Variants in RCAN1 observed in about 807,000 individuals in gnomAD.
RCAN1 encodes regulator of calcineurin 1.
Under a neutral mutation model 22.9 loss-of-function variants are expected in RCAN1, and 11 were observed. That is an observed-to-expected ratio of 0.48 (90% CI 0.30 to 0.79). The LOEUF (loss-of-function observed/expected upper bound fraction) is 0.79. Ranked by LOEUF, RCAN1 falls within the 30% of genes least tolerant of loss-of-function variation. The pLI is 0.06. For synonymous variants in RCAN1, 136 were observed against 142.3 expected, an observed-to-expected ratio of 0.96 and a Z score of 0.32; for missense variants, 291 against 337.8, an observed-to-expected ratio of 0.86 and a Z score of 1.09.
chr21:34,587,216 C>T (rs1188658351), intron 1 of RCAN1, among the ~76,000 whole-genome samples: 1 of 151,996 alleles, frequency 6.6e-6, no homozygotes, highest in African/African-American at 2.4e-5. Flanking sequence ...GGACTACTTC[C>T]TAGAAAAATA....
intron 1 of RCAN1, among the ~76,000 whole-genome samples, chr21:34,527,824 G>A (rs528432534): frequency 6.7e-6 from 1 of 148,718 alleles, no homozygotes; most frequent in East Asian, 2.0e-4. Context: ...TGGGTTAAGA[G>A]GTCCTGCTTA....
chr21:34,613,002 A>G (rs1320000165), intron 1 of RCAN1, among the ~76,000 whole-genome samples: 4 of 151,988 alleles, frequency 2.6e-5, no homozygotes, highest in Non-Finnish European at 1.5e-5. Flanking sequence ...CCTATTGTCT[A>G]TCTCCCCCTC....
chr21:34,599,059 T>G (rs541959898), intron 1 of RCAN1, among the ~76,000 whole-genome samples: 1 of 152,216 alleles, frequency 6.6e-6, no homozygotes, highest in South Asian at 2.1e-4. Flanking sequence ...GGGTAATACA[T>G]CAGTATAAAC....
chr21:34,523,918 G>T, intron 1 of RCAN1: 1 of 390,604 alleles, frequency 2.6e-6, no homozygotes, highest in East Asian at 5.6e-5. Context: ...GAGTAGCTGG[G>T]GTTACAGGTG....
At chr21:34,521,217 T>C in intron 3 of RCAN1, 2 of 1,416,602 alleles carry the variant, frequency 1.4e-6, no homozygotes, top group Non-Finnish European at 1.8e-6. Context: ...CAGGCTGTGC[T>C]CAGTGGACAC....
rs561626815 is a variant in RCAN1, at chr21:34,602,967, C to T, written c.252+11793G>A. 5.5e-4 allele frequency among the ~76,000 whole-genome samples: 83 copies of T among 152,246 alleles called. No homozygotes were observed. The Middle Eastern group carries it at 0.017, about 31-fold the overall frequency. ...TCCCCTATTTGTATTCTAAACAAAGCGGGCAGCATCTCCCAGCAGCAGGGA... is the reference window on the plus strand; with the variant it reads ...TCCCCTATTTGTATTCTAAACAAAGTGGGCAGCATCTCCCAGCAGCAGGGA... On this transcript the variant is annotated intron_variant, in intron 1 of 3. Transcript: ENST00000313806.
At chr21:34,574,029 A>G (rs1418347305) in intron 1 of RCAN1, among the ~76,000 whole-genome samples, 1 of 152,202 alleles carries the variant, frequency 6.6e-6, no homozygotes, top group Non-Finnish European at 1.5e-5. Flanking sequence ...GAACGCTACA[A>G]AAATCCTCAG....
intron 1 of RCAN1, among the ~76,000 whole-genome samples, chr21:34,556,052 G>C (rs1426373277): frequency 1.3e-5 from 1 of 78,444 alleles, no homozygotes; most frequent in Non-Finnish European, 2.9e-5. Context: ...AACAGAGCGA[G>C]ACTCCATTTC....
intron 1 of RCAN1, among the ~76,000 whole-genome samples, chr21:34,602,122 C>A (rs1346948196): frequency 6.6e-6 from 1 of 152,148 alleles, no homozygotes; most frequent in Admixed American, 6.5e-5. Flanking sequence ...GTCCTTGATA[C>A]GATCACAAAC....
chr21:34,572,222 C>T (rs1987258698), intron 1 of RCAN1, among the ~76,000 whole-genome samples: 1 of 152,162 alleles, frequency 6.6e-6, no homozygotes, highest in African/African-American at 2.4e-5. Flanking sequence ...GAGATGGCTC[C>T]CTCTGCCCAA....
At chr21:34,556,152 G>A (rs1986564365) in intron 1 of RCAN1, among the ~76,000 whole-genome samples, 1 of 150,044 alleles carries the variant, frequency 6.7e-6, no homozygotes, top group African/African-American at 2.4e-5. Flanking sequence ...GGCTAGGTGA[G>A]GTGGTACATG....
At chr21:34,545,133 A>G (rs1986083724) in intron 1 of RCAN1, among the ~76,000 whole-genome samples, 1 of 152,224 alleles carries the variant, frequency 6.6e-6, no homozygotes, top group South Asian at 2.1e-4. Flanking sequence ...CATAGAAAGT[A>G]AACCAAGAGG....
At chr21:34,586,702 C>T (rs1987810317) in intron 1 of RCAN1, among the ~76,000 whole-genome samples, 1 of 152,178 alleles carries the variant, frequency 6.6e-6, no homozygotes, top group African/African-American at 2.4e-5. Context: ...CCTGTAACCC[C>T]AGCACTTTGG....
intron 1 of RCAN1, among the ~76,000 whole-genome samples, chr21:34,555,764 T>TA (rs1231860875): frequency 6.6e-6 from 1 of 151,476 alleles, no homozygotes; most frequent in African/African-American, 2.4e-5. Flanking sequence ...AAGGTATTTT[T>TA]AAAAAAATAA....
chr21:34,551,347 A>C (rs574102854), intron 1 of RCAN1, among the ~76,000 whole-genome samples: 1 of 152,338 alleles, frequency 6.6e-6, no homozygotes, highest in East Asian at 1.9e-4. Context: ...CCTTGGAAAA[A>C]ATAATGACAA....
chr21:34,571,425 C>T (rs1371010693), intron 1 of RCAN1, among the ~76,000 whole-genome samples: 1 of 152,176 alleles, frequency 6.6e-6, no homozygotes, highest in African/African-American at 2.4e-5. Context: ...ATACATTTTA[C>T]AAAATTTAAA....
At chr21:34,525,272 A>T in intron 1 of RCAN1, 2 of 1,550,558 alleles carry the variant, frequency 1.3e-6, no homozygotes, top group African/African-American at 2.7e-5. Flanking sequence ...GTCGTTAAGG[A>T]GCAGTCGGAA....
At chr21:34,523,478 C>T (rs1984757633) in intron 2 of RCAN1, 59 bp downstream of exon 2, 1 of 1,566,128 alleles carries the variant, frequency 6.4e-7, no homozygotes, top group Non-Finnish European at 8.7e-7. Context: ...GTATAAGCTG[C>T]TTTACAAAAG....
At chr21:34,547,932 AG>A (rs1986211563) in intron 1 of RCAN1, among the ~76,000 whole-genome samples, 1 of 152,128 alleles carries the variant, frequency 6.6e-6, no homozygotes, top group African/African-American at 2.4e-5. Flanking sequence ...TGGTATTTGG[AG>A]GTGAGGCCTT....
Sources: allele counts gnomAD v4.1 joint callset (sites outside exome capture counted in the v4.1 genomes callset), GRCh38; gene constraint gnomAD v4.1.1; transcripts MANE v1.5; gene names NCBI Gene and HGNC (gene_info 2026-07-23, HGNC 2026-07-21).